The following SHISA9 variants were observed in gnomAD, a reference collection of about 807,000 sequenced individuals.
The protein encoded by SHISA9 is protein shisa-9.
A neutral mutation model predicts 38.0 loss-of-function variants in SHISA9; 13 were observed. The ratio of observed to expected loss-of-function variants is 0.34; its 90% confidence interval spans 0.22 to 0.54. The LOEUF is 0.54. Among genes scored for constraint, SHISA9 ranks in the 20% least tolerant of loss-of-function variants. The probability of loss-of-function intolerance (pLI) is 0.91; values close to 1 mark genes in which losing one functional copy is unlikely to be tolerated. For missense variants in SHISA9, 538 were observed against 575.8 expected (o/e 0.93, Z 0.67); for synonymous variants, 275 against 242.0 (o/e 1.14, Z -1.27).
At chr16:13,009,790 C>A (rs969094834) in intron 2 of SHISA9, among the ~76,000 whole-genome samples, 1 of 152,206 alleles carries the variant, frequency 6.6e-6, no homozygotes, top group Admixed American at 6.5e-5. Flanking sequence ...AATGGCTCTG[C>A]AGATGCCCTG....
At position 13,238,994 on chromosome 16, in the gene SHISA9, C is replaced by A. The variant is rs1316293278; in HGVS notation, c.*3585C>A. 3 of 99,486 alleles carry A rather than the reference C, an allele frequency of 3.0e-5. No individual in the cohort carries two copies. Among genetic ancestry groups the A allele is most frequent in the African/African-American group, 1.2e-4 (3 of 26,026 alleles). 6.2% of individuals were successfully genotyped at this position (99,486 alleles called of 1,614,324 possible). A position where few individuals can be genotyped will look rare whatever the true frequency, so the allele number is the denominator to read the frequency against. On this transcript the variant is annotated 3_prime_UTR_variant, in exon 5 of 5. Transcript: ENST00000558583. ...ATGCTATCCCTCCCCCCTCCCCCCA[C>A]CCCACAACAGTCCCCAGAGTGTGAT...
At chr16:12,954,270 G>A (rs1237863912) in intron 2 of SHISA9, among the ~76,000 whole-genome samples, 2 of 152,188 alleles carry the variant, frequency 1.3e-5, no homozygotes, top group East Asian at 3.8e-4. Context: ...ACATGGCATA[G>A]GGAGCATGTG....
At chr16:13,172,032 C>A (rs2050691029) in intron 2 of SHISA9, among the ~76,000 whole-genome samples, 1 of 152,068 alleles carries the variant, frequency 6.6e-6, no homozygotes, top group East Asian at 1.9e-4. Context: ...TTTCTTCCTT[C>A]CTTCCCACTT....
the SHISA9 span, among the ~76,000 whole-genome samples, chr16:13,435,943 A>T: frequency 6.6e-6 from 1 of 152,166 alleles, no homozygotes; most frequent in Non-Finnish European, 1.5e-5. Flanking sequence ...GAAGAAAATG[A>T]TGGCTTTAGC....
the SHISA9 span, among the ~76,000 whole-genome samples, chr16:13,427,213 A>G: frequency 1.0e-3 from 160 of 152,382 alleles, 1 homozygote; most frequent in African/African-American, 3.5e-3. Flanking sequence ...CTCATCAGCC[A>G]GAGTCACACG....
chr16:13,121,501 G>A (rs2050210263), intron 2 of SHISA9, among the ~76,000 whole-genome samples: 1 of 152,044 alleles, frequency 6.6e-6, no homozygotes, highest in Non-Finnish European at 1.5e-5. Flanking sequence ...CGAAAATAAA[G>A]ATTATTTGTC....
chr16:13,373,777 A>G, the SHISA9 span, among the ~76,000 whole-genome samples: 1 of 151,782 alleles, frequency 6.6e-6, no homozygotes, highest in Non-Finnish European at 1.5e-5. Flanking sequence ...AAAAAAAAAA[A>G]AAGATGGGAG....
intron 2 of SHISA9, among the ~76,000 whole-genome samples, chr16:13,033,540 T>C (rs952687077): frequency 2.0e-5 from 3 of 152,178 alleles, no homozygotes; most frequent in Non-Finnish European, 2.9e-5. Flanking sequence ...GGATTGAATA[T>C]TACAACTTTA....
At chr16:13,444,140 G>A in the SHISA9 span, among the ~76,000 whole-genome samples, 2 of 152,182 alleles carry the variant, frequency 1.3e-5, no homozygotes, top group South Asian at 4.1e-4. Context: ...GGAGGCCAAG[G>A]CTGGAGGATC....
At chr16:13,460,191 A>G in the SHISA9 span, among the ~76,000 whole-genome samples, 1 of 152,198 alleles carries the variant, frequency 6.6e-6, no homozygotes, top group Non-Finnish European at 1.5e-5. Context: ...AAGAACAAAT[A>G]TCATCCCTGT....
At chr16:13,022,710 T>C (rs1303457095) in intron 2 of SHISA9, among the ~76,000 whole-genome samples, 3 of 152,168 alleles carry the variant, frequency 2.0e-5, no homozygotes, top group African/African-American at 7.2e-5. Flanking sequence ...CAAGTGATCA[T>C]CCTGCCTAGG....
At chr16:13,025,422 C>T (rs2072908902) in intron 2 of SHISA9, among the ~76,000 whole-genome samples, 1 of 152,210 alleles carries the variant, frequency 6.6e-6, no homozygotes, top group African/African-American at 2.4e-5. Flanking sequence ...AACACCACTT[C>T]CCTAGATGAC....
At position 13,148,689 on chromosome 16, in the gene SHISA9, G is replaced by GCACACA. The variant is rs3075124; in HGVS notation, c.692-54680_692-54675dup. On this transcript the variant is annotated intron_variant, in intron 2 of 4. Coordinates refer to ENST00000558583, the MANE Select transcript of SHISA9 (RefSeq NM_001145204.3). The stretch of plus-strand genomic sequence containing the variant: ...TCCTCATTCTCTCACACATACACAA[G>GCACACA]CACACACACACACACACACACACAC... 8.4e-3 allele frequency among the ~76,000 whole-genome samples: 1,114 copies of GCACACA among 132,524 alleles called. 13 individuals carry two copies. Among genetic ancestry groups the GCACACA allele is most frequent in the Admixed American group, 0.026 (351 of 13,570 alleles). The allele number at this position is 132,524 out of a possible 152,430, so 86.9% of individuals were successfully genotyped here. A position where few individuals can be genotyped will look rare whatever the true frequency, so the allele number is the denominator to read the frequency against.
At chr16:13,209,798 C>T (rs191826372) in intron 3 of SHISA9, among the ~76,000 whole-genome samples, 14 of 152,290 alleles carry the variant, frequency 9.2e-5, no homozygotes, top group South Asian at 4.1e-4. Flanking sequence ...GGAAGACAGA[C>T]GTCTTTATGA....
chr16:12,933,531 G>C (rs1236354506), intron 2 of SHISA9, among the ~76,000 whole-genome samples: 4 of 152,140 alleles, frequency 2.6e-5, no homozygotes, highest in South Asian at 2.1e-4. Flanking sequence ...GACCTCAGGC[G>C]ATCTGCCCTC....
intron 1 of SHISA9, among the ~76,000 whole-genome samples, chr16:12,907,579 T>G (rs1265411095): frequency 6.6e-6 from 1 of 152,144 alleles, no homozygotes; most frequent in Non-Finnish European, 1.5e-5. Flanking sequence ...TCATCAGACA[T>G]CCAGTCATTT....
intron 2 of SHISA9, among the ~76,000 whole-genome samples, chr16:12,984,871 T>A (rs1302864039): frequency 6.6e-6 from 1 of 152,122 alleles, no homozygotes; most frequent in Non-Finnish European, 1.5e-5. Context: ...GCCTAAAGGG[T>A]GCAGGCATAG....
At chr16:13,432,815 C>G in the SHISA9 span, among the ~76,000 whole-genome samples, 8 of 151,820 alleles carry the variant, frequency 5.3e-5, no homozygotes, top group Non-Finnish European at 1.0e-4. Context: ...AACACAGGAA[C>G]AAGAAAACAA....
At chr16:13,485,166 T>TGTG in the SHISA9 span, among the ~76,000 whole-genome samples, 561 of 152,154 alleles carry the variant, frequency 3.7e-3, 3 homozygotes, top group African/African-American at 0.013. Context: ...GCATTAGGTA[T>TGTG]GTGTCCTAAT....
Sources: allele counts gnomAD v4.1 joint callset (sites outside exome capture counted in the v4.1 genomes callset), GRCh38; gene constraint gnomAD v4.1.1; transcripts MANE v1.5; gene names NCBI Gene and HGNC (gene_info 2026-07-23, HGNC 2026-07-21).